Variants in RERE observed in about 807,000 individuals in gnomAD.
The protein encoded by RERE is arginine-glutamic acid dipeptide repeats protein.
RERE carries 40 observed loss-of-function variants against 146.1 expected under a neutral mutation model. That is an observed-to-expected ratio of 0.27 (90% CI 0.21 to 0.36). RERE has a LOEUF of 0.36. Ranked by LOEUF, RERE falls within the 10% of genes least tolerant of loss-of-function variation. The pLI is 1.00. For synonymous variants in RERE, 1,003 were observed against 866.0 expected (o/e 1.16, Z -2.78); for missense variants, 1,933 against 2,138.7 (o/e 0.90, Z 1.90).
intron 10 of RERE, among the ~76,000 whole-genome samples, chr1:8,468,135 C>G (rs997887801): frequency 6.6e-6 from 1 of 152,170 alleles, no homozygotes; most frequent in Non-Finnish European, 1.5e-5. Context: ...ATGATCAATA[C>G]TGGATCCCAC....
At chr1:8,734,362 C>T (rs2124492476) in intron 1 of RERE, among the ~76,000 whole-genome samples, 1 of 152,252 alleles carries the variant, frequency 6.6e-6, no homozygotes, top group South Asian at 2.1e-4. Context: ...AGATTTTCAT[C>T]ATCTTCCCTA....
intron 1 of RERE, among the ~76,000 whole-genome samples, chr1:8,720,833 A>T (rs930982382): frequency 1.3e-5 from 2 of 152,306 alleles, no homozygotes; most frequent in African/African-American, 4.8e-5. Context: ...AAGAGGGCGG[A>T]TTACTTGAGG....
chr1:8,682,318 ATTC>A (rs1638989624), intron 1 of RERE, among the ~76,000 whole-genome samples: 1 of 152,202 alleles, frequency 6.6e-6, no homozygotes, highest in African/African-American at 2.4e-5. Context: ...GATACAATAA[ATTC>A]TTCACATTTC....
chr1:8,637,899 C>T (rs1647121834), intron 2 of RERE, among the ~76,000 whole-genome samples: 1 of 152,218 alleles, frequency 6.6e-6, no homozygotes, highest in East Asian at 1.9e-4. Context: ...CTCAGTAATT[C>T]CATTCCTTAG....
intron 12 of RERE, among the ~76,000 whole-genome samples, chr1:8,378,057 G>A (rs899176513): frequency 6.6e-6 from 1 of 152,156 alleles, no homozygotes; most frequent in African/African-American, 2.4e-5. Context: ...ATTTCTGCAA[G>A]TTGAATTTTA....
chr1:8,440,918 T>TGC (rs1391559580), intron 11 of RERE, among the ~76,000 whole-genome samples: 3 of 145,628 alleles, frequency 2.1e-5, no homozygotes, highest in African/African-American at 7.6e-5. Context: ...ATAGAAAGTA[T>TGC]GCCAGAGTAA....
At chr1:8,551,412 T>C (rs1463858699) in intron 6 of RERE, among the ~76,000 whole-genome samples, 1 of 152,154 alleles carries the variant, frequency 6.6e-6, no homozygotes, top group Non-Finnish European at 1.5e-5. Flanking sequence ...GTTTATCTGC[T>C]CGTTCTTGGA....
intron 11 of RERE, among the ~76,000 whole-genome samples, chr1:8,454,788 G>A (rs1644431610): frequency 6.6e-6 from 1 of 151,966 alleles, no homozygotes; most frequent in Non-Finnish European, 1.5e-5. Flanking sequence ...CTGGGCGACA[G>A]GGTAAGACTC....
chr1:8,777,247 T>C (rs1180421195), intron 1 of RERE, among the ~76,000 whole-genome samples: 3 of 152,076 alleles, frequency 2.0e-5, no homozygotes, highest in African/African-American at 4.8e-5. Flanking sequence ...CATTGTCTTA[T>C]CTAAGAAGTC....
chr1:8,498,988 C>T (rs932443034), intron 8 of RERE, among the ~76,000 whole-genome samples: 11 of 152,014 alleles, frequency 7.2e-5, no homozygotes, highest in Non-Finnish European at 1.3e-4. Flanking sequence ...AAAAAATATT[C>T]GAGCAACAGT....
chr1:8,372,558 A>AAGAAGGAC (rs1419431437), intron 12 of RERE, among the ~76,000 whole-genome samples: 1 of 96,606 alleles, frequency 1.0e-5, no homozygotes, highest in Non-Finnish European at 2.1e-5. Flanking sequence ...AATTAAGCCA[A>AAGAAGGAC]AGAAGGACTC....
intron 6 of RERE, among the ~76,000 whole-genome samples, chr1:8,552,319 C>A (rs1393081417): frequency 6.6e-6 from 1 of 152,190 alleles, no homozygotes; most frequent in East Asian, 1.9e-4. Context: ...ATGGCAAGAG[C>A]CCCCTCAGAG....
chr1:8,759,690 A>C (rs1569731680), intron 1 of RERE, among the ~76,000 whole-genome samples: 1 of 152,184 alleles, frequency 6.6e-6, no homozygotes, highest in East Asian at 1.9e-4. Context: ...GAAACTGTAC[A>C]CCCACTACGC....
chr1:8,681,671 A>G (rs1461002989), intron 1 of RERE, among the ~76,000 whole-genome samples: 2 of 152,212 alleles, frequency 1.3e-5, no homozygotes, highest in African/African-American at 4.8e-5. Flanking sequence ...CACAAGTCTT[A>G]AACTAAATCA....
At chr1:8,707,898 A>T (rs142151556) in intron 1 of RERE, among the ~76,000 whole-genome samples, 71 of 152,368 alleles carry the variant, frequency 4.7e-4, no homozygotes, top group Non-Finnish European at 8.8e-4. Context: ...TGACTAAGGT[A>T]CAGTAAGATA....
intron 10 of RERE, among the ~76,000 whole-genome samples, chr1:8,476,732 G>A (rs78616419): frequency 3.9e-5 from 6 of 152,320 alleles, no homozygotes; most frequent in Admixed American, 6.5e-5. Flanking sequence ...GAAATAAGCA[G>A]TGCTATTATT....
intron 12 of RERE, among the ~76,000 whole-genome samples, chr1:8,393,403 C>G (rs112352398): frequency 5.9e-5 from 9 of 152,288 alleles, no homozygotes; most frequent in African/African-American, 2.2e-4. Flanking sequence ...CTGGGCCTTT[C>G]TGATTGGACC....
At chr1:8,806,467 G>A (rs1349869003) in intron 1 of RERE, among the ~76,000 whole-genome samples, 1 of 152,232 alleles carries the variant, frequency 6.6e-6, no homozygotes, top group African/African-American at 2.4e-5. Context: ...GGAGGCGGAG[G>A]TTGCAGTGAG....
intron 1 of RERE, among the ~76,000 whole-genome samples, chr1:8,662,669 G>C (rs1638482218): frequency 6.6e-6 from 1 of 152,122 alleles, no homozygotes; most frequent in African/African-American, 2.4e-5. Context: ...CTGCACTCCA[G>C]CCTAGGGAAC....
Sources: gnomAD v4.1 joint callset for allele counts (sites outside exome capture counted in the v4.1 genomes callset) on GRCh38, gnomAD v4.1.1 for gene constraint, MANE v1.5 for transcripts, NCBI Gene and HGNC (gene_info 2026-07-23, HGNC 2026-07-21) for gene names.